Variants in OR2I1 observed in about 807,000 individuals in gnomAD.
OR2I1 encodes the protein olfactory receptor family 2 subfamily I member 1 (gene/pseudogene), also known as putative olfactory receptor 2I1.
chr6:29,553,428 G>A, the OR2I1 span: 2 of 398,830 alleles, frequency 5.0e-6, no homozygotes, highest in East Asian at 3.6e-5. Context: ...TGGTAGACGC[G>A]GGCTTCACTA....
chr6:29,550,671 T>C, the OR2I1 span: 12 of 152,220 alleles, frequency 7.9e-5, no homozygotes, highest in Non-Finnish European at 1.6e-4. Context: ...CCTCGTCTTC[T>C]TCCTGAAATA....
At chr6:29,555,878 G>T in the OR2I1 span, 4 of 1,611,098 alleles carry the variant, frequency 2.5e-6, no homozygotes, top group East Asian at 8.9e-5. Context: ...TGCCCAGGGT[G>T]GTCACCCTCC....
the OR2I1 span, chr6:29,553,257 G>T: frequency 5.0e-6 from 2 of 398,794 alleles, no homozygotes; most frequent in East Asian, 3.6e-5. Flanking sequence ...GCTTTCTCCT[G>T]CTGGGTTTCT....
At chr6:29,556,279 G>A in the OR2I1 span, 5 of 1,612,916 alleles carry the variant, frequency 3.1e-6, no homozygotes, top group Non-Finnish European at 4.2e-6. Context: ...CATGTTCTTT[G>A]ATTTTTTTCA....
the OR2I1 span, chr6:29,556,590 A>G: frequency 1.9e-6 from 1 of 516,936 alleles, no homozygotes; most frequent in Non-Finnish European, 3.4e-6. Flanking sequence ...GAGAATGGAA[A>G]ATAAAATCCT....
chr6:29,551,177 C>T, the OR2I1 span, among the ~76,000 whole-genome samples: 3,949 of 152,304 alleles, frequency 0.026, 143 homozygotes, highest in African/African-American at 0.075. Context: ...GTAATCACCG[C>T]ATTAAAGAAT....
chr6:29,553,399 T>C, the OR2I1 span: 3 of 398,894 alleles, frequency 7.5e-6, no homozygotes, highest in South Asian at 1.3e-4. Flanking sequence ...CATGTACTAC[T>C]TCCTCTGCCA....
chr6:29,555,493 A>T, the OR2I1 span: 1 of 208,480 alleles, frequency 4.8e-6, no homozygotes, highest in African/African-American at 2.3e-5. Flanking sequence ...CAAAGACAGA[A>T]ATACAGAAAT....
At chr6:29,551,388 T>C in the OR2I1 span, among the ~76,000 whole-genome samples, 1 of 152,224 alleles carries the variant, frequency 6.6e-6, no homozygotes, top group Non-Finnish European at 1.5e-5. Flanking sequence ...ACCTCGAAGT[T>C]AGTCAAATAT....
the OR2I1 span, chr6:29,554,346 T>C: frequency 2.6e-6 from 1 of 391,388 alleles, no homozygotes; most frequent in Non-Finnish European, 4.5e-6. Context: ...TGAGGGAAAA[T>C]CCCTAAATCC....
chr6:29,553,594 T>C, the OR2I1 span: 1 of 398,248 alleles, frequency 2.5e-6, no homozygotes, highest in African/African-American at 2.1e-5. Context: ...GGCCGCAGTG[T>C]GCCGCCCGCT....
chr6:29,553,132 C>G, the OR2I1 span: 1 of 397,974 alleles, frequency 2.5e-6, no homozygotes, highest in Non-Finnish European at 4.4e-6. Flanking sequence ...CCCAGCCCAG[C>G]CCCACACTCC....
chr6:29,554,871 T>G, the OR2I1 span: 1 of 148,100 alleles, frequency 6.8e-6, no homozygotes, highest in African/African-American at 2.5e-5. Context: ...GAGAGAGGAG[T>G]AAATGGAGGG....
the OR2I1 span, chr6:29,556,041 C>A: frequency 6.2e-7 from 1 of 1,613,114 alleles, no homozygotes; most frequent in Non-Finnish European, 8.5e-7. Context: ...TTCACTTGTG[C>A]CACTGAGCTG....
chr6:29,553,937 C>T, the OR2I1 span: 1 of 398,816 alleles, frequency 2.5e-6, no homozygotes. Flanking sequence ...GCGGTGGGCA[C>T]GTGTGGGTCC....
chr6:29,556,083 C>T, the OR2I1 span: 5 of 1,612,970 alleles, frequency 3.1e-6, no homozygotes, highest in South Asian at 2.2e-5. Flanking sequence ...TGCCTCTTTG[C>T]CTCATCACCT....
At chr6:29,552,742 A>G in the OR2I1 span, 1 of 152,590 alleles carries the variant, frequency 6.6e-6, no homozygotes, top group African/African-American at 2.4e-5. Flanking sequence ...AGTCCTAGTT[A>G]CTAATTACGT....
the OR2I1 span, chr6:29,555,852 C>T: frequency 4.4e-6 from 7 of 1,573,762 alleles, no homozygotes; most frequent in East Asian, 1.6e-4. Flanking sequence ...GCTTTTTGAC[C>T]CCTGCCAACA....
the OR2I1 span, among the ~76,000 whole-genome samples, chr6:29,552,522 G>C: frequency 3.3e-5 from 5 of 152,034 alleles, no homozygotes; most frequent in African/African-American, 1.2e-4. Flanking sequence ...GCCGTATAAT[G>C]GGTTGTGTTA....
Sources: allele counts gnomAD v4.1 joint callset (sites outside exome capture counted in the v4.1 genomes callset), GRCh38; gene constraint gnomAD v4.1.1; transcripts MANE v1.5; gene names NCBI Gene and HGNC (gene_info 2026-07-23, HGNC 2026-07-21).